Variants in OOEP observed in about 807,000 individuals in gnomAD.
OOEP encodes oocyte expressed protein, also known as oocyte-expressed protein homolog.
In OOEP, 16 loss-of-function variants were observed where a neutral mutation model predicts 13.7. The ratio of observed to expected loss-of-function variants is 1.16; its 90% confidence interval spans 0.79 to 1.77. The LOEUF (loss-of-function observed/expected upper bound fraction) is 1.77. Ranked by LOEUF, OOEP falls within the 40% of genes most tolerant of loss-of-function variation. OOEP has a pLI of 0.00. For missense variants in OOEP, 195 were observed against 193.1 expected (o/e 1.01, Z -0.06); for synonymous variants, 89 against 77.1 (o/e 1.15, Z -0.81).
intron 2 of OOEP, among the ~76,000 whole-genome samples, chr6:73,379,610 C>G (rs1480414318): frequency 1.0e-4 from 12 of 120,536 alleles, no homozygotes; most frequent in African/African-American, 3.5e-4. Flanking sequence ...CTGCACTCCA[C>G]TCTGGGCAAC....
chr6:73,368,788 G>A lies in OOEP; in HGVS notation c.446C>T (p.Ala149Val). 6.2e-7 allele frequency: 1 copy of A among 1,606,426 alleles called. No individual in the cohort carries two copies. Among genetic ancestry groups the A allele is most frequent in the African/African-American group, 1.3e-5 (1 of 74,880 alleles). Residue 149 changes from alanine to valine, a missense_variant, in exon 3 of 3, where the codon GCT becomes GTT. Transcript: ENST00000370359. ...CCCAACAGTAACTATGTTGTCTTAA[G>A]CAACAGGATCCTGGGGAGAGTGGGG... ...SDPHSPQDPV[A>V]
Position 73,369,732 on chromosome 6 carries a change from G to C in OOEP, c.61C>G (p.Leu21Val), listed in dbSNP as rs1220674410. Residue 21 changes from leucine to valine, a missense_variant, in exon 1 of 3, where the codon CTG becomes GTG. Transcript: ENST00000370359. ...QRGKQTPAHS[L>V]EQLRRLPLPP... ...AGTGGTAACCTACGCAGCTGCTCCA[G>C]GGAGTGGGCCGGAGTCTGTTTGCCC... is the stretch of plus-strand genomic sequence containing the variant. 26 of 1,613,940 alleles carry C rather than the reference G, an allele frequency of 1.6e-5. No homozygotes were observed. Among genetic ancestry groups the C allele is most frequent in the Non-Finnish European group, 2.1e-5 (25 of 1,179,904 alleles).
Position 73,369,714 on chromosome 6 carries a change from A to G in OOEP, c.79T>C (p.Leu27=). 6.2e-7 allele frequency: 1 copy of G among 1,613,990 alleles called. No homozygotes were observed. Among genetic ancestry groups the G allele is most frequent in the South Asian group, 1.1e-5 (1 of 91,082 alleles). Residue 27 remains leucine, a synonymous_variant, in exon 1 of 3, where the codon TTA becomes CTA. Coordinates refer to ENST00000370359, the MANE Select transcript of OOEP (RefSeq NM_001080507.3). ...CGAATCTGTGGCGGCGGAAGTGGTA[A>G]CCTACGCAGCTGCTCCAGGGAGTGG... is the stretch of plus-strand genomic sequence containing the variant. ...PAHSLEQLRR[L]PLPPPQIRIR...
chr6:73,371,902 T>G (rs1769064295), upstream of OOEP, among the ~76,000 whole-genome samples: 1 of 152,130 alleles, frequency 6.6e-6, no homozygotes. Flanking sequence ...CACTCCAGCC[T>G]GGGCTACAGA....
At chr6:73,386,095 T>C (rs894276939) in intron 2 of OOEP, among the ~76,000 whole-genome samples, 11 of 150,768 alleles carry the variant, frequency 7.3e-5, no homozygotes, top group Non-Finnish European at 1.5e-4. Context: ...GCTTTTCTTT[T>C]TTTTTTTTTT....
In OOEP at chr6:73,368,587, A is replaced by C; in HGVS notation, c.*197T>G. The C allele has an allele frequency of 1.9e-6, 1 of 535,626 alleles. No homozygotes were observed. Among genetic ancestry groups the C allele is most frequent in the Non-Finnish European group, 3.3e-6 (1 of 301,358 alleles). The allele number at this position is 535,626 out of a possible 1,614,324, so 33.2% of individuals were successfully genotyped here. A position where few individuals can be genotyped will look rare whatever the true frequency, so the allele number is the denominator to read the frequency against. On this transcript the variant is annotated 3_prime_UTR_variant, in exon 3 of 3. Coordinates refer to ENST00000370359, the MANE Select transcript of OOEP (RefSeq NM_001080507.3). Reference sequence around the variant, plus strand: ...AATTTGCTTTATTATAAGTGTGTGAAGATCTTAATGCTTTTGGCAAAATAG... The same window carrying C: ...AATTTGCTTTATTATAAGTGTGTGACGATCTTAATGCTTTTGGCAAAATAG...
At chr6:73,392,596 G>A (rs946854702) in intron 2 of OOEP, among the ~76,000 whole-genome samples, 4 of 146,222 alleles carry the variant, frequency 2.7e-5, no homozygotes, top group African/African-American at 1.0e-4. Context: ...GAGCCACCGC[G>A]CCTGGCCTAT....
intron 2 of OOEP, among the ~76,000 whole-genome samples, chr6:73,381,778 C>T (rs1250347795): frequency 6.6e-6 from 1 of 151,982 alleles, no homozygotes; most frequent in African/African-American, 2.4e-5. Flanking sequence ...GTCAGGAGTT[C>T]GAGACCAGCC....
intron 2 of OOEP, among the ~76,000 whole-genome samples, chr6:73,393,153 C>T (rs1769374425): frequency 6.6e-6 from 1 of 151,874 alleles, no homozygotes; most frequent in African/African-American, 2.4e-5. Context: ...CTCTGTTGCC[C>T]AGACTGGAGT....
chr6:73,381,205 T>TAAAAAAAAAAAAAAAAAAAAGA, intron 2 of OOEP, among the ~76,000 whole-genome samples: 1 of 100,998 alleles, frequency 9.9e-6, no homozygotes, highest in Non-Finnish European at 1.9e-5. Flanking sequence ...AAAAAAGTGT[T>TAAAAAAAAAAAAAAAAAAAAGA]AAAAAAAAAA....
chr6:73,368,675 G>C lies in OOEP; in HGVS notation c.*109C>G. 5.5e-6 allele frequency: 4 copies of C among 727,350 alleles called. No individual in the cohort carries two copies. In the South Asian group the frequency reaches 6.6e-5, roughly 12 times the overall value. 45.1% of individuals were successfully genotyped at this position (727,350 alleles called of 1,614,324 possible). On this transcript the variant is annotated 3_prime_UTR_variant, in exon 3 of 3. Transcript: ENST00000370359. The stretch of plus-strand genomic sequence containing the variant: ...AACAAAATAAACCACAATCCATCAA[G>C]ACACAGGAAAAAGGAATACGGGGAT...
Position 73,376,650 on chromosome 6 carries a change from TTTTG to T in OOEP, c.26-7269_26-7266del, listed in dbSNP as rs538186393. ...ACCAAGCCTGGCTGATTTTTGTGGT[TTTTG>T]TTTGTTTGTTTGTTTGAGATGGAGT... is the stretch of plus-strand genomic sequence containing the variant. On this transcript the variant is annotated intron_variant, in intron 2 of 3. Transcript: ENST00000370363. 4.0e-4 allele frequency among the ~76,000 whole-genome samples: 60 copies of T among 151,552 alleles called. No homozygotes were observed. In the South Asian group the frequency reaches 6.7e-3, roughly 17 times the overall value.
At position 73,368,695 on chromosome 6, in the gene OOEP, G is replaced by T; in HGVS notation, c.*89C>A. 2.4e-6 allele frequency: 2 copies of T among 828,834 alleles called. No individual in the cohort carries two copies. Among genetic ancestry groups the T allele is most frequent in the Non-Finnish European group, 2.1e-6 (1 of 486,536 alleles). 51.3% of individuals were successfully genotyped at this position (828,834 alleles called of 1,614,324 possible). A position where few individuals can be genotyped will look rare whatever the true frequency, so the allele number is the denominator to read the frequency against. On this transcript the variant is annotated 3_prime_UTR_variant, in exon 3 of 3. Coordinates refer to ENST00000370359, the MANE Select transcript of OOEP (RefSeq NM_001080507.3). Reference sequence around the variant, plus strand: ...ATCAAGACACAGGAAAAAGGAATACGGGGATTTAAGAATGCTATACTTGCT... The same window carrying T: ...ATCAAGACACAGGAAAAAGGAATACTGGGATTTAAGAATGCTATACTTGCT...
chr6:73,382,729 A>AC (rs1386128418), intron 2 of OOEP, among the ~76,000 whole-genome samples: 1 of 144,666 alleles, frequency 6.9e-6, no homozygotes, highest in Non-Finnish European at 1.5e-5. Flanking sequence ...TTTTACTTTT[A>AC]TTTTTATAGA....
At chr6:73,375,791 CTTTTTTTTT>C (rs35879934) in intron 2 of OOEP, among the ~76,000 whole-genome samples, 1 of 106,684 alleles carries the variant, frequency 9.4e-6, no homozygotes, top group African/African-American at 3.6e-5. Context: ...AATGATCTCC[CTTTTTTTTT>C]TTTTTTTTTG....
At chr6:73,386,389 G>C (rs923855711) in intron 2 of OOEP, among the ~76,000 whole-genome samples, 1 of 150,886 alleles carries the variant, frequency 6.6e-6, no homozygotes, top group Non-Finnish European at 1.5e-5. Flanking sequence ...CCCCCAGACC[G>C]GGCCAACAAC....
At chr6:73,369,933 G>T, upstream of OOEP, 1 of 711,800 alleles carries the variant, frequency 1.4e-6, no homozygotes, top group Non-Finnish European at 2.3e-6. Flanking sequence ...GCGTCGGGGT[G>T]AGCGGGTGCA....
At chr6:73,386,811 CA>C (rs1254107347) in intron 2 of OOEP, among the ~76,000 whole-genome samples, 19 of 151,062 alleles carry the variant, frequency 1.3e-4, no homozygotes, top group Non-Finnish European at 2.8e-4. Context: ...ATTAAAAATA[CA>C]AAAAAATTAG....
At chr6:73,376,786 G>A (rs908099667) in intron 2 of OOEP, among the ~76,000 whole-genome samples, 5 of 152,152 alleles carry the variant, frequency 3.3e-5, no homozygotes, top group African/African-American at 1.2e-4. Context: ...CAAGTAGCTG[G>A]GATTACTGGT....
Sources: gnomAD v4.1 joint callset for allele counts (sites outside exome capture counted in the v4.1 genomes callset) on GRCh38, gnomAD v4.1.1 for gene constraint, MANE v1.5 for transcripts, NCBI Gene and HGNC (gene_info 2026-07-23, HGNC 2026-07-21) for gene names.